The following PPP2R3C variants were observed in gnomAD, a reference collection of about 807,000 sequenced individuals.
PPP2R3C encodes the protein protein phosphatase 2 regulatory subunit B''gamma.
PPP2R3C carries 47 observed loss-of-function variants against 63.7 expected under a neutral mutation model. The observed-to-expected ratio is 0.74, with a 90% CI of 0.58 to 0.94. The LOEUF is 0.94. Ranked by LOEUF, PPP2R3C falls within the 40% of genes least tolerant of loss-of-function variation. PPP2R3C has a pLI of 0.00. For missense variants in PPP2R3C, 421 were observed against 518.4 expected (o/e 0.81, Z 1.82); for synonymous variants, 180 against 177.4 (o/e 1.01, Z -0.12).
At chr14:35,104,546 G>C (rs1364911401) in intron 6 of PPP2R3C, among the ~76,000 whole-genome samples, 2 of 152,176 alleles carry the variant, frequency 1.3e-5, no homozygotes, top group South Asian at 2.1e-4. Context: ...GAGGTGAAAA[G>C]TAAGTCCATA....
chr14:35,086,020 A>G (rs907527437), intron 12 of PPP2R3C: 1 of 421,290 alleles, frequency 2.4e-6, no homozygotes, highest in Non-Finnish European at 4.2e-6. Flanking sequence ...TGTGATAGCT[A>G]TCCTTCGTTT....
chr14:35,108,145 T>G lies in PPP2R3C; in HGVS notation c.496A>C (p.Arg166=). 6.2e-7 allele frequency: 1 copy of G among 1,607,934 alleles called. No homozygotes were observed. The highest frequency in any genetic ancestry group is 8.5e-7 in the Non-Finnish European group (1 of 1,178,374). The change falls in exon 5 of 13, where the codon AGA becomes CGA. Residue 166 remains arginine, a synonymous_variant. Coordinates refer to ENST00000261475, the MANE Select transcript of PPP2R3C (RefSeq NM_017917.4). ...SIMQFFNYVM[R]KVWLHQTRIG... is the part of the protein sequence containing the mutation. The stretch of plus-strand genomic sequence containing the variant: ...CACAGTAAAAATGAATCACCTTTTC[T>G]CATGACATAATTAAAGAACTGCATG...
chr14:35,116,588 C>T, intron 2 of PPP2R3C, 22 bp downstream of exon 2: 1 of 1,545,258 alleles, frequency 6.5e-7, no homozygotes. Flanking sequence ...CTCTGCAGGA[C>T]ATTTGATTAG....
At chr14:35,096,337 G>C (rs2045998901) in intron 9 of PPP2R3C, among the ~76,000 whole-genome samples, 1 of 152,222 alleles carries the variant, frequency 6.6e-6, no homozygotes, top group Non-Finnish European at 1.5e-5. Flanking sequence ...CAGTGTGACA[G>C]AGTGAGACCC....
intron 10 of PPP2R3C, among the ~76,000 whole-genome samples, chr14:35,093,305 TTAGA>T (rs1186280082): frequency 2.0e-5 from 3 of 152,108 alleles, no homozygotes; most frequent in South Asian, 2.1e-4. Flanking sequence ...AGGTTCTCAC[TTAGA>T]TAAAAATTTT....
intron 2 of PPP2R3C, among the ~76,000 whole-genome samples, chr14:35,114,287 A>G (rs1025844103): frequency 3.3e-5 from 5 of 152,198 alleles, no homozygotes; most frequent in African/African-American, 9.6e-5. Context: ...TTGTTTAGCC[A>G]TATTTTTTCC....
chr14:35,121,747 G>A lies in PPP2R3C; in HGVS notation c.58+155C>T, dbSNP rs2046904505. On this transcript the variant is annotated intron_variant, in intron 1 of 12. Coordinates refer to ENST00000261475, the MANE Select transcript of PPP2R3C (RefSeq NM_017917.4). ...AGGAAAGTTTGGGTCAAACCTATCG[G>A]GATCCTTAAACCACATTCCACTCCG... 3 of 805,946 alleles carry A rather than the reference G, an allele frequency of 3.7e-6. No individual in the cohort carries two copies. The South Asian group carries it at 5.3e-5, about 14-fold the overall frequency. The allele number at this position is 805,946 out of a possible 1,614,324, so 49.9% of individuals were successfully genotyped here. A position where few individuals can be genotyped will look rare whatever the true frequency, so the allele number is the denominator to read the frequency against.
intron 2 of PPP2R3C, among the ~76,000 whole-genome samples, chr14:35,115,409 T>G (rs902882811): frequency 6.6e-6 from 1 of 151,708 alleles, no homozygotes; most frequent in Non-Finnish European, 1.5e-5. Flanking sequence ...TCCTCCTGAT[T>G]TGATGGCCTC....
Position 35,096,289 on chromosome 14 carries a change from G to A in PPP2R3C, c.838+269C>T, listed in dbSNP as rs546158166. Among the ~76,000 whole-genome samples, 3 of 152,314 alleles carry A rather than the reference G, an allele frequency of 2.0e-5. No homozygotes were observed. In the South Asian group the frequency reaches 6.2e-4, roughly 32 times the overall value. On this transcript the variant is annotated intron_variant, in intron 9 of 12. Transcript: ENST00000261475. ...GAGAGGATTGAGCCTAGGACTTCAA[G>A]GCTGCACTGAGCCGTGATCATGTCA...
intron 7 of PPP2R3C, among the ~76,000 whole-genome samples, chr14:35,097,343 GT>G (rs542456425): frequency 1.6e-4 from 24 of 152,130 alleles, no homozygotes; most frequent in Non-Finnish European, 3.4e-4. Context: ...CAAAAAAGTT[GT>G]GATTATAGAT....
intron 6 of PPP2R3C, 180 bp from the exon 7 acceptor site, chr14:35,099,564 G>A (rs1010920092): frequency 4.0e-6 from 3 of 746,370 alleles, no homozygotes. Flanking sequence ...TAGCATTTTT[G>A]AAAAGTAGTA....
chr14:35,098,352 T>TG (rs1555312784), intron 7 of PPP2R3C, among the ~76,000 whole-genome samples: 1 of 125,152 alleles, frequency 8.0e-6, no homozygotes, highest in Non-Finnish European at 1.9e-5. Context: ...GCTAGTTTTT[T>TG]TTTTTTTTTT....
At chr14:35,097,969 T>A (rs1295460260) in intron 7 of PPP2R3C, among the ~76,000 whole-genome samples, 4 of 152,264 alleles carry the variant, frequency 2.6e-5, no homozygotes, top group African/African-American at 9.6e-5. Flanking sequence ...CTCAGTTGCC[T>A]TACACATAAA....
At chr14:35,115,963 G>T (rs1197960977) in intron 2 of PPP2R3C, among the ~76,000 whole-genome samples, 2 of 152,040 alleles carry the variant, frequency 1.3e-5, no homozygotes. Flanking sequence ...CTATTTTTCG[G>T]TTTAGCCTTG....
At chr14:35,092,873 T>TA (rs2045868794) in intron 10 of PPP2R3C, among the ~76,000 whole-genome samples, 1 of 152,168 alleles carries the variant, frequency 6.6e-6, no homozygotes, top group African/African-American at 2.4e-5. Context: ...TACAGTGAGC[T>TA]GACACTGCTC....
At chr14:35,108,932 T>G (rs904049620) in intron 4 of PPP2R3C, among the ~76,000 whole-genome samples, 12 of 147,214 alleles carry the variant, frequency 8.2e-5, no homozygotes, top group African/African-American at 3.0e-4. Context: ...GTTTGCATTC[T>G]TTTTTTTTTT....
intron 6 of PPP2R3C, among the ~76,000 whole-genome samples, chr14:35,103,150 C>A (rs924615522): frequency 6.6e-6 from 1 of 152,182 alleles, no homozygotes; most frequent in African/African-American, 2.4e-5. Flanking sequence ...CTTAAAACTT[C>A]CGATGGTTTC....
rs528825329 is a variant in PPP2R3C at position 35,089,886 on chromosome 14, T to C, written c.1113+1184A>G. On this transcript the variant is annotated intron_variant, in intron 11 of 12. Coordinates refer to ENST00000261475, the MANE Select transcript of PPP2R3C (RefSeq NM_017917.4). The stretch of plus-strand genomic sequence containing the variant: ...TTCACCATGTTAGTGAGGATGGTTT[T>C]GATCTCCTGACCTTGCGATCCGCCC... Among the ~76,000 whole-genome samples, 1,044 of 152,074 alleles carry C rather than the reference T, an allele frequency of 6.9e-3. 13 individuals are homozygous for C. The highest frequency in any genetic ancestry group is 0.023 in the African/African-American group (971 of 41,496).
At chr14:35,111,400 T>A (rs754178959) in intron 2 of PPP2R3C, among the ~76,000 whole-genome samples, 1 of 152,222 alleles carries the variant, frequency 6.6e-6, no homozygotes, top group Non-Finnish European at 1.5e-5. Context: ...ACCTCCAATC[T>A]GCCCTTGGTC....
Sources: gnomAD v4.1 joint callset for allele counts (sites outside exome capture counted in the v4.1 genomes callset) on GRCh38, gnomAD v4.1.1 for gene constraint, MANE v1.5 for transcripts, NCBI Gene and HGNC (gene_info 2026-07-23, HGNC 2026-07-21) for gene names.